Variants in RPL41 observed in about 807,000 individuals in gnomAD.
RPL41 encodes ribosomal protein L41, also known as small ribosomal subunit protein eS32.
Under a neutral mutation model 7.3 loss-of-function variants are expected in RPL41, and 3 were observed. That is an observed-to-expected ratio of 0.41 (90% CI 0.19 to 1.06). The LOEUF is 1.06. Among genes scored for constraint, RPL41 ranks in the 50% least tolerant of loss-of-function variants. RPL41 has a pLI of 0.32. For synonymous variants in RPL41, 9 were observed against 7.4 expected (o/e 1.21, Z -0.34); for missense variants, 13 against 30.4 (o/e 0.43, Z 1.35).
intron 1 of RPL41, 134 bp downstream of exon 1, chr12:56,116,933 A>G: frequency 8.0e-7 from 1 of 1,242,272 alleles, no homozygotes; most frequent in South Asian, 1.2e-5. Context: ...GAGAGAAGGT[A>G]GTTTGTGAGA....
Position 56,117,466 on chromosome 12 carries a change from T to C in RPL41, c.36-16T>C, listed in dbSNP as rs747806427. The C allele has an allele frequency of 1.0e-5, 16 of 1,553,266 alleles. No homozygotes were observed. The highest frequency in any genetic ancestry group is 1.2e-5 in the Non-Finnish European group (14 of 1,147,742). On this transcript the variant is annotated splice_polypyrimidine_tract_variant and intron_variant, in intron 2 of 2. Coordinates refer to ENST00000546591, the MANE Select transcript of RPL41 (RefSeq NM_001035267.2). ...TCTGGTTTGAGGTGTATTCCATTCC[T>C]GTGTCTGCTTTTCAGGCTGAAGCGC...
rs1869665036 is a variant in RPL41 at position 56,117,733 on chromosome 12, C to T, written c.*209C>T. 6.9e-6 allele frequency: 4 copies of T among 578,690 alleles called. No homozygotes were observed. Among genetic ancestry groups the T allele is most frequent in the Non-Finnish European group, 1.2e-5 (4 of 320,964 alleles). The allele number at this position is 578,690 out of a possible 1,614,324, so 35.8% of individuals were successfully genotyped here. A position where few individuals can be genotyped will look rare whatever the true frequency, so the allele number is the denominator to read the frequency against. ...GCCCATGTTGGTCCTCTGCCCTGGA[C>T]CTGTGACATTCTGGACTATTTCTGT... On this transcript the variant is annotated 3_prime_UTR_variant, in exon 3 of 3. Transcript: ENST00000546591.
rs1470577188 is a variant in RPL41, at chr12:56,117,940, C to T, written c.*416C>T. 1 of 284,770 alleles carries T rather than the reference C, an allele frequency of 3.5e-6. No homozygotes were observed. The highest frequency in any genetic ancestry group is 7.0e-6 in the Non-Finnish European group (1 of 143,120). 17.6% of individuals were successfully genotyped at this position (284,770 alleles called of 1,614,324 possible). A position where few individuals can be genotyped will look rare whatever the true frequency, so the allele number is the denominator to read the frequency against. ...GAGGGTATCAAAGCTATAAAGGCAACAGCCCGGGTTACGTGGTGTGGTTTG... is the reference window on the plus strand; with the variant it reads ...GAGGGTATCAAAGCTATAAAGGCAATAGCCCGGGTTACGTGGTGTGGTTTG... On this transcript the variant is annotated 3_prime_UTR_variant, in exon 3 of 3. Coordinates refer to ENST00000546591, the MANE Select transcript of RPL41 (RefSeq NM_001035267.2).
chr12:56,117,115 A>G, intron 1 of RPL41, 74 bp from the exon 2 acceptor site: 1 of 1,515,304 alleles, frequency 6.6e-7, no homozygotes, highest in Non-Finnish European at 8.8e-7. Context: ...TATCCTTGCT[A>G]AGCCTACTAA....
Position 56,116,716 on chromosome 12 carries a change from C to G in RPL41, c.-72C>G. 6.4e-7 allele frequency: 1 copy of G among 1,560,478 alleles called. No individual in the cohort carries two copies. The highest frequency in any genetic ancestry group is 1.7e-5 in the Admixed American group (1 of 59,956). ...CCGTGTACAATCCATAGACATCTGA[C>G]CTCGGCACTTAGCATCATCACAGCA... On this transcript the variant is annotated 5_prime_UTR_variant, in exon 1 of 3. Transcript: ENST00000546591.
At chr12:56,117,161 TTATC>T (rs1869636538) in intron 1 of RPL41, 24 bp from the exon 2 acceptor site, 14 of 1,538,064 alleles carry the variant, frequency 9.1e-6, no homozygotes, top group Non-Finnish European at 1.2e-5. Context: ...TTTTTTTTAA[TTATC>T]TGCTGCTTGT....
rs1869610672 is a variant in RPL41 at position 56,116,707 on chromosome 12, G to T, written c.-81G>T. 1 of 1,521,890 alleles carries T rather than the reference G, an allele frequency of 6.6e-7. No individual in the cohort carries two copies. The highest frequency in any genetic ancestry group is 9.1e-7 in the Non-Finnish European group (1 of 1,095,926). The allele number at this position is 1,521,890 out of a possible 1,614,324, so 94.3% of individuals were successfully genotyped here. The stretch of plus-strand genomic sequence containing the variant: ...GTTGGGATTCCGTGTACAATCCATA[G>T]ACATCTGACCTCGGCACTTAGCATC... On this transcript the variant is annotated 5_prime_UTR_variant, in exon 1 of 3. Coordinates refer to ENST00000546591, the MANE Select transcript of RPL41 (RefSeq NM_001035267.2).
In RPL41 at chr12:56,116,738, A is replaced by G. The variant is rs765907743; in HGVS notation, c.-50A>G. ...TGACCTCGGCACTTAGCATCATCACAGCAAACTAACTGTAGCCTTTCTCTC... is the reference window on the plus strand; with the variant it reads ...TGACCTCGGCACTTAGCATCATCACGGCAAACTAACTGTAGCCTTTCTCTC... On this transcript the variant is annotated 5_prime_UTR_variant, in exon 1 of 3. Transcript: ENST00000546591. 9 of 1,611,898 alleles carry G rather than the reference A, an allele frequency of 5.6e-6. No individual in the cohort carries two copies. The African/African-American group carries it at 1.1e-4, about 19-fold the overall frequency.
rs773210687 is a variant in RPL41, at chr12:56,117,243, G to A, written c.35+32G>A. 2.0e-5 allele frequency: 32 copies of A among 1,591,108 alleles called. No homozygotes were observed. In the Admixed American group the frequency reaches 6.0e-4, roughly 30 times the overall value. On this transcript the variant is annotated intron_variant, in intron 2 of 2. Coordinates refer to ENST00000546591, the MANE Select transcript of RPL41 (RefSeq NM_001035267.2). ...TGAGACTTTGCCAGCCCAGGAGGAGGGAAGTTCCTTGGACAAAACTTAGGA... is the reference window on the plus strand; with the variant it reads ...TGAGACTTTGCCAGCCCAGGAGGAGAGAAGTTCCTTGGACAAAACTTAGGA...
In RPL41 at chr12:56,117,156, TTTAA is replaced by T. The variant is rs761347623; in HGVS notation, c.13-29_13-26del. ...TTCATCCCTTTTTTTTTTTTTTTTT[TTTAA>T]TTATCTGCTGCTTGTGATCGGTTGC... On this transcript the variant is annotated intron_variant, in intron 1 of 2. Coordinates refer to ENST00000546591, the MANE Select transcript of RPL41 (RefSeq NM_001035267.2). 1.3e-5 allele frequency: 20 copies of T among 1,532,226 alleles called. No individual in the cohort carries two copies. The African/African-American group carries it at 1.7e-4, about 13-fold the overall frequency. The allele number at this position is 1,532,226 out of a possible 1,614,324, so 94.9% of individuals were successfully genotyped here.
chr12:56,117,528 G>A lies in RPL41; in HGVS notation c.*4G>A. On this transcript the variant is annotated 3_prime_UTR_variant, in exon 3 of 3. Transcript: ENST00000546591. ...GATGAGGCAGAGGTCCAAGTAAACC[G>A]CTAGCTTGTTGCACCGTGGAGGCCA... 1 of 1,551,106 alleles carries A rather than the reference G, an allele frequency of 6.4e-7. No individual in the cohort carries two copies. The highest frequency in any genetic ancestry group is 2.4e-5 in the East Asian group (1 of 40,960).
chr12:56,117,365 G>GA, intron 2 of RPL41, 117 bp from the exon 3 acceptor site: 1 of 1,406,120 alleles, frequency 7.1e-7, no homozygotes, highest in Non-Finnish European at 9.9e-7. Flanking sequence ...GAGAACGATA[G>GA]AACCGTAGTG....
rs1310875762 is a variant in RPL41 at position 56,117,485 on chromosome 12, G to A, written c.39G>A (p.Leu13=). 2.6e-6 allele frequency: 4 copies of A among 1,553,386 alleles called. No individual in the cohort carries two copies. The African/African-American group carries it at 5.5e-5, about 21-fold the overall frequency. Residue 13 remains leucine (L), a synonymous_variant, in exon 3 of 3, where the codon CTG becomes CTA. Transcript: ENST00000546591. ...AKWRKKRMRR[L]KRKRRKMRQR... is the part of the protein sequence containing the mutation. ...CATTCCTGTGTCTGCTTTTCAGGCTGAAGCGCAAAAGAAGAAAGATGAGGC... is the reference window on the plus strand; with the variant it reads ...CATTCCTGTGTCTGCTTTTCAGGCTAAAGCGCAAAAGAAGAAAGATGAGGC...
At chr12:56,117,365 G>A in intron 2 of RPL41, 117 bp from the exon 3 acceptor site, 2 of 1,406,120 alleles carry the variant, frequency 1.4e-6, no homozygotes. Context: ...GAGAACGATA[G>A]AACCGTAGTG....
rs569225203 is a variant in RPL41 at position 56,117,772 on chromosome 12, C to T, written c.*248C>T. 9.7e-4 allele frequency: 501 copies of T among 517,564 alleles called. No individual in the cohort carries two copies. The highest frequency in any genetic ancestry group is 1.5e-3 in the Non-Finnish European group (431 of 283,694). 32.1% of individuals were successfully genotyped at this position (517,564 alleles called of 1,614,324 possible). A position where few individuals can be genotyped will look rare whatever the true frequency, so the allele number is the denominator to read the frequency against. On this transcript the variant is annotated 3_prime_UTR_variant, in exon 3 of 3. Transcript: ENST00000546591. ...GACTATTTCTGTGTTTATTTGTGGC[C>T]GAGTGTAACAACCATATAATAAATC...
chr12:56,117,368 C>T (rs1869647865), intron 2 of RPL41, 114 bp from the exon 3 acceptor site: 6 of 1,405,364 alleles, frequency 4.3e-6, no homozygotes, highest in Non-Finnish European at 5.9e-6. Context: ...AACGATAGAA[C>T]CGTAGTGCTT....
In RPL41 at chr12:56,117,659, C is replaced by A; in HGVS notation, c.*135C>A. 1.4e-6 allele frequency: 1 copy of A among 730,748 alleles called. No individual in the cohort carries two copies. Among genetic ancestry groups the A allele is most frequent in the Non-Finnish European group, 2.4e-6 (1 of 419,904 alleles). The allele number at this position is 730,748 out of a possible 1,614,324, so 45.3% of individuals were successfully genotyped here. On this transcript the variant is annotated 3_prime_UTR_variant, in exon 3 of 3. Coordinates refer to ENST00000546591, the MANE Select transcript of RPL41 (RefSeq NM_001035267.2). ...CTCAATGGATCTAGAACTTCATCGC[C>A]CTCTGATCGCCGATCACCTCTGAGA... is the stretch of plus-strand genomic sequence containing the variant.
chr12:56,117,410 C>T (rs1869649618), intron 2 of RPL41, 72 bp from the exon 3 acceptor site: 5 of 1,481,018 alleles, frequency 3.4e-6, no homozygotes, highest in Admixed American at 2.0e-5. Context: ...TTTATGTGGA[C>T]GTTTGATTTA....
chr12:56,117,471 C>A lies in RPL41; in HGVS notation c.36-11C>A. ...TTTGAGGTGTATTCCATTCCTGTGT[C>A]TGCTTTTCAGGCTGAAGCGCAAAAG... is the stretch of plus-strand genomic sequence containing the variant. On this transcript the variant is annotated splice_polypyrimidine_tract_variant and intron_variant, in intron 2 of 2. Transcript: ENST00000546591. 1 of 1,553,402 alleles carries A rather than the reference C, an allele frequency of 6.4e-7. No individual in the cohort carries two copies. The highest frequency in any genetic ancestry group is 1.2e-5 in the South Asian group (1 of 84,116).
Sources: gnomAD v4.1 joint callset for allele counts on GRCh38, gnomAD v4.1.1 for gene constraint, MANE v1.5 for transcripts, NCBI Gene and HGNC (gene_info 2026-07-23, HGNC 2026-07-21) for gene names.